The following RBFOX3 variants were observed in gnomAD, a reference collection of about 807,000 sequenced individuals.
RBFOX3 encodes the protein RNA binding protein fox-1 homolog 3.
A neutral mutation model predicts 48.7 loss-of-function variants in RBFOX3; 17 were observed. The ratio of observed to expected loss-of-function variants is 0.35; its 90% CI spans 0.24 to 0.52. RBFOX3 has a LOEUF of 0.52. RBFOX3 is among the 20% of genes least tolerant of loss of function. The probability of loss-of-function intolerance (pLI) is 0.94; values close to 1 mark genes in which losing one functional copy is unlikely to be tolerated. For synonymous variants in RBFOX3, 212 were observed against 209.5 expected (o/e 1.01, Z -0.10); for missense variants, 382 against 497.5 (o/e 0.77, Z 2.21).
intron 4 of RBFOX3, among the ~76,000 whole-genome samples, chr17:79,137,688 C>A (rs750247955): frequency 7.9e-5 from 12 of 152,296 alleles, no homozygotes; most frequent in Non-Finnish European, 1.5e-4. Context: ...CGGATGGCTT[C>A]TTTTCCCGTT....
intron 2 of RBFOX3, among the ~76,000 whole-genome samples, chr17:79,440,744 C>G (rs782103318): frequency 2.0e-5 from 3 of 152,174 alleles, no homozygotes; most frequent in Non-Finnish European, 2.9e-5. Flanking sequence ...GCCATACCCC[C>G]CTTCCCCATG....
intron 2 of RBFOX3, among the ~76,000 whole-genome samples, chr17:79,351,101 C>T (rs1351861593): frequency 6.6e-6 from 1 of 152,234 alleles, no homozygotes; most frequent in African/African-American, 2.4e-5. Context: ...GAATTTCCTT[C>T]CTTTTACCAG....
chr17:79,163,390 A>G (rs2047361597), intron 4 of RBFOX3, among the ~76,000 whole-genome samples: 1 of 152,210 alleles, frequency 6.6e-6, no homozygotes, highest in African/African-American at 2.4e-5. Flanking sequence ...CCCGGAAACA[A>G]GACTCCAGGG....
At chr17:79,625,156 T>C in the RBFOX3 span, among the ~76,000 whole-genome samples, 2 of 151,916 alleles carry the variant, frequency 1.3e-5, no homozygotes, top group Non-Finnish European at 2.9e-5. Context: ...CTCCTCCTCC[T>C]CCTCCCTCTC....
Position 79,377,198 on chromosome 17 carries a change from C to T in RBFOX3, c.-174-69374G>A, listed in dbSNP as rs186966684. 3.3e-5 allele frequency among the ~76,000 whole-genome samples: 5 copies of T among 151,890 alleles called. No individual in the cohort carries two copies. The East Asian group carries it at 7.7e-4, about 23-fold the overall frequency. ...TATTTGTCTAGACACACAGAGCACA[C>T]GTGTACACAAAGATACACACACACT... is the stretch of plus-strand genomic sequence containing the variant. On this transcript the variant is annotated intron_variant, in intron 2 of 14. Coordinates refer to ENST00000693108, the MANE Select transcript of RBFOX3 (RefSeq NM_001350451.2).
intron 2 of RBFOX3, among the ~76,000 whole-genome samples, chr17:79,340,089 A>G (rs2081822967): frequency 6.6e-6 from 1 of 152,180 alleles, no homozygotes; most frequent in Non-Finnish European, 1.5e-5. Context: ...ACCTGAGGCC[A>G]GGAGTTCGAG....
intron 2 of RBFOX3, among the ~76,000 whole-genome samples, chr17:79,323,929 T>C (rs779880949): frequency 6.6e-6 from 1 of 152,238 alleles, no homozygotes; most frequent in Non-Finnish European, 1.5e-5. Context: ...ATTTCCAGGC[T>C]ATTTTGCAAA....
intron 3 of RBFOX3, among the ~76,000 whole-genome samples, chr17:79,259,446 A>G (rs1002794193): frequency 1.3e-5 from 2 of 152,198 alleles, no homozygotes; most frequent in Non-Finnish European, 2.9e-5. Context: ...GGCAGGAGGC[A>G]CCAGAGATGG....
chr17:79,150,195 T>TGTGGGCC (rs1378045246), intron 4 of RBFOX3, among the ~76,000 whole-genome samples: 1 of 151,570 alleles, frequency 6.6e-6, no homozygotes, highest in African/African-American at 2.4e-5. Context: ...GGGCGGCAGC[T>TGTGGGCC]GTGGGCCACG....
chr17:79,519,326 G>A (rs1046014470), intron 1 of RBFOX3, among the ~76,000 whole-genome samples: 1 of 152,252 alleles, frequency 6.6e-6, no homozygotes, highest in Admixed American at 6.5e-5. Flanking sequence ...CAAGAGACCT[G>A]CCAGTGACGG....
Position 79,362,091 on chromosome 17 carries a change from G to C in RBFOX3, c.-174-54267C>G, listed in dbSNP as rs2086467029. Among the ~76,000 whole-genome samples the C allele has an allele frequency of 6.6e-6, 1 of 152,124 alleles. No homozygotes were observed. The highest frequency in any genetic ancestry group is 2.1e-4 in the South Asian group (1 of 4,818). Reference sequence around the variant, plus strand: ...CAAAGCGCAAATGTGGTGGGTAACAGATCACTCCCTTCGAGAGAATCCACT... The same window carrying C: ...CAAAGCGCAAATGTGGTGGGTAACACATCACTCCCTTCGAGAGAATCCACT... On this transcript the variant is annotated intron_variant, in intron 2 of 14. Coordinates refer to ENST00000693108, the MANE Select transcript of RBFOX3 (RefSeq NM_001350451.2). The surrounding 1 kb of genome is among the most constrained non-coding windows in gnomAD (Gnocchi z 4.2).
rs537832353 is a variant in RBFOX3 at position 79,230,352 on chromosome 17, T to C, written c.-34+5414A>G. ...TTGGCTCACTGCTACCTCTGCCTCC[T>C]GGGTTCAAGCGATTCTCCTGCTTCA... is the stretch of plus-strand genomic sequence containing the variant. On this transcript the variant is annotated intron_variant, in intron 4 of 14. Transcript: ENST00000693108. Among the ~76,000 whole-genome samples, 21 of 152,258 alleles carry C rather than the reference T, an allele frequency of 1.4e-4. No individual in the cohort carries two copies. In the South Asian group the frequency reaches 3.5e-3, roughly 26 times the overall value.
chr17:79,620,598 CGCACGCACACAT>C, the RBFOX3 span, among the ~76,000 whole-genome samples: 3 of 149,202 alleles, frequency 2.0e-5, no homozygotes, highest in Admixed American at 6.6e-5. Flanking sequence ...CACACACGCA[CGCACGCACACAT>C]GCACACACGC....
chr17:79,505,587 A>G (rs1161712488), intron 1 of RBFOX3, among the ~76,000 whole-genome samples: 5 of 152,136 alleles, frequency 3.3e-5, no homozygotes, highest in Non-Finnish European at 7.3e-5. Context: ...GGAAAAGCCA[A>G]ACTGAGACAT....
chr17:79,302,693 G>C lies in RBFOX3; in HGVS notation c.-74+5031C>G, dbSNP rs146219644. 9.9e-4 allele frequency among the ~76,000 whole-genome samples: 150 copies of C among 152,224 alleles called. 1 individual carries two copies. The highest frequency in any genetic ancestry group is 3.5e-3 in the African/African-American group (147 of 41,542). On this transcript the variant is annotated intron_variant, in intron 3 of 14. Coordinates refer to ENST00000693108, the MANE Select transcript of RBFOX3 (RefSeq NM_001350451.2). ...AAAAAAAATAGATGGTGAAAGAAATGAGTGAGTGAATGAATGAATGATACC... is the reference window on the plus strand; with the variant it reads ...AAAAAAAATAGATGGTGAAAGAAATCAGTGAGTGAATGAATGAATGATACC...
At chr17:79,274,024 C>T (rs970026054) in intron 3 of RBFOX3, among the ~76,000 whole-genome samples, 3 of 152,164 alleles carry the variant, frequency 2.0e-5, no homozygotes, top group African/African-American at 2.4e-5. Flanking sequence ...TGTGGAGAGA[C>T]GGTTAGGTGT....
intron 4 of RBFOX3, among the ~76,000 whole-genome samples, chr17:79,203,192 A>T (rs1286085836): frequency 2.0e-5 from 3 of 150,684 alleles, no homozygotes; most frequent in Non-Finnish European, 4.4e-5. Flanking sequence ...CTGGTGACAG[A>T]TGGGGCTGTG....
chr17:79,410,160 G>C (rs561622667), intron 2 of RBFOX3, among the ~76,000 whole-genome samples: 1 of 152,354 alleles, frequency 6.6e-6, no homozygotes, highest in Non-Finnish European at 1.5e-5. Flanking sequence ...TGCAATGCTA[G>C]ACGGCCCCCT....
At chr17:79,213,104 G>A (rs11870298) in intron 4 of RBFOX3, among the ~76,000 whole-genome samples, 5,255 of 152,162 alleles carry the variant, frequency 0.035, 269 homozygotes, top group African/African-American at 0.12. Context: ...TGATCTGCCC[G>A]CCTTGGCCTC....
Sources: gnomAD v4.1 joint callset for allele counts (sites outside exome capture counted in the v4.1 genomes callset) on GRCh38, gnomAD v4.1.1 for gene constraint, Gnocchi (gnomAD v3.1) non-coding constraint, MANE v1.5 for transcripts, NCBI Gene and HGNC (gene_info 2026-07-23, HGNC 2026-07-21) for gene names.